PDE4D: variants seen among roughly 807,000 people sequenced by gnomAD.
The protein encoded by PDE4D is 3',5'-cyclic-AMP phosphodiesterase 4D.
A neutral mutation model predicts 87.4 loss-of-function variants in PDE4D; 24 were observed. That is an observed-to-expected ratio of 0.27 (90% CI 0.20 to 0.39). The LOEUF is 0.39. Among genes scored for constraint, PDE4D ranks in the 10% least tolerant of loss-of-function variants. PDE4D has a pLI of 1.00. For synonymous variants in PDE4D, 384 were observed against 383.2 expected, an observed-to-expected ratio of 1.00 and a Z score of -0.02; for missense variants, 714 against 1,041.0, an observed-to-expected ratio of 0.69 and a Z score of 4.32.
intron 1 of PDE4D, among the ~76,000 whole-genome samples, chr5:59,308,032 T>C (rs1427603431): frequency 5.3e-5 from 8 of 152,090 alleles, no homozygotes; most frequent in Non-Finnish European, 8.8e-5. Context: ...TATGCAGCCA[T>C]AAAAAATGAT....
At chr5:59,602,656 T>G in intron 1 of PDE4D, among the ~76,000 whole-genome samples, 1 of 151,932 alleles carries the variant, frequency 6.6e-6, no homozygotes, top group East Asian at 1.9e-4. Flanking sequence ...AAAATTCCAA[T>G]ACCATTCTTC....
At chr5:59,930,054 C>T (rs1444527223) in intron 3 of PDE4D, among the ~76,000 whole-genome samples, 1 of 148,044 alleles carries the variant, frequency 6.8e-6, no homozygotes, top group Non-Finnish European at 1.5e-5. Flanking sequence ...CCCAGCTACT[C>T]GGGAGGCTGA....
At chr5:60,120,280 G>A (rs1778559713) in intron 2 of PDE4D, among the ~76,000 whole-genome samples, 1 of 150,090 alleles carries the variant, frequency 6.7e-6, no homozygotes, top group Admixed American at 6.6e-5. Flanking sequence ...GCACTAACAG[G>A]AGAGGTAGTG....
intron 1 of PDE4D, among the ~76,000 whole-genome samples, chr5:59,824,986 A>G (rs1009056270): frequency 1.5e-4 from 23 of 152,112 alleles, no homozygotes; most frequent in African/African-American, 4.1e-4. Flanking sequence ...CCACTCTTGG[A>G]TTGGTAATAG....
chr5:59,923,189 T>C (rs1754860142), intron 3 of PDE4D, among the ~76,000 whole-genome samples: 1 of 152,110 alleles, frequency 6.6e-6, no homozygotes, highest in African/African-American at 2.4e-5. Context: ...GTCAGTCACG[T>C]AAAATAGAAC....
chr5:59,202,033 A>ATTTTT (rs10641798), intron 2 of PDE4D, among the ~76,000 whole-genome samples: 1,169 of 95,262 alleles, frequency 0.012, 141 homozygotes, highest in Middle Eastern at 0.03. Flanking sequence ...TGTTTTGATC[A>ATTTTT]TTTTTTTTTT....
At chr5:59,349,745 T>C (rs1271090605) in intron 1 of PDE4D, among the ~76,000 whole-genome samples, 1 of 152,098 alleles carries the variant, frequency 6.6e-6, no homozygotes, top group Non-Finnish European at 1.5e-5. Context: ...GTGTCTTTTC[T>C]TCTTTTGTCA....
chr5:59,791,734 C>T (rs1452699790), intron 1 of PDE4D, among the ~76,000 whole-genome samples: 1 of 152,120 alleles, frequency 6.6e-6, no homozygotes, highest in African/African-American at 2.4e-5. Flanking sequence ...TCTAAAGTTA[C>T]AGGTCTAGGA....
At chr5:59,210,080 C>A (rs1749748296) in intron 2 of PDE4D, among the ~76,000 whole-genome samples, 1 of 152,164 alleles carries the variant, frequency 6.6e-6, no homozygotes, top group Non-Finnish European at 1.5e-5. Flanking sequence ...ATGATTTGGC[C>A]ATGGTAGCTT....
chr5:60,443,908 T>C (rs1745434632), intron 1 of PDE4D, among the ~76,000 whole-genome samples: 1 of 152,092 alleles, frequency 6.6e-6, no homozygotes, highest in African/African-American at 2.4e-5. Context: ...CACATCAATG[T>C]GGACAGCTTT....
intron 2 of PDE4D, among the ~76,000 whole-genome samples, chr5:59,207,302 G>A (rs953557105): frequency 2.6e-5 from 4 of 152,196 alleles, no homozygotes; most frequent in African/African-American, 9.6e-5. Flanking sequence ...GAGATAAAGT[G>A]AGAGTACACT....
At chr5:59,728,456 C>G (rs900688080) in intron 1 of PDE4D, among the ~76,000 whole-genome samples, 1 of 152,010 alleles carries the variant, frequency 6.6e-6, no homozygotes, top group Non-Finnish European at 1.5e-5. Context: ...TTCCTTTTCT[C>G]TCCTTTCAAG....
intron 5 of PDE4D, among the ~76,000 whole-genome samples, chr5:59,059,641 T>A (rs939276085): frequency 2.0e-5 from 3 of 152,186 alleles, no homozygotes; most frequent in African/African-American, 7.2e-5. Context: ...GCTGGAAATC[T>A]CTTGCTATAT....
intron 1 of PDE4D, among the ~76,000 whole-genome samples, chr5:59,880,314 T>C (rs1749254447): frequency 6.6e-6 from 1 of 152,122 alleles, no homozygotes; most frequent in Non-Finnish European, 1.5e-5. Context: ...TTTGGTCTGT[T>C]GTCCAGGCTG....
intron 1 of PDE4D, among the ~76,000 whole-genome samples, chr5:59,440,929 T>C (rs1426780771): frequency 6.6e-6 from 1 of 152,212 alleles, no homozygotes; most frequent in Non-Finnish European, 1.5e-5. Context: ...GGTATGCTTA[T>C]CTTTGAGCAG....
At chr5:59,430,540 G>A (rs1202736503) in intron 1 of PDE4D, 3 of 664,994 alleles carry the variant, frequency 4.5e-6, no homozygotes, top group Non-Finnish European at 6.4e-6. Context: ...GTTGCCCGGT[G>A]CTTCTTTGCT....
At chr5:60,428,002 A>G (rs1387571138) in intron 1 of PDE4D, among the ~76,000 whole-genome samples, 1 of 152,182 alleles carries the variant, frequency 6.6e-6, no homozygotes, top group African/African-American at 2.4e-5. Context: ...CTTGAGCCCC[A>G]GAGTTTGAGG....
At chr5:59,172,146 A>C (rs1309754278) in intron 5 of PDE4D, among the ~76,000 whole-genome samples, 1 of 97,390 alleles carries the variant, frequency 1.0e-5, no homozygotes. Context: ...TAAATATATA[A>C]TATTATATAT....
chr5:60,049,548 T>A lies in PDE4D; in HGVS notation c.43-60831A>T, dbSNP rs1769811864. On this transcript the variant is annotated intron_variant, in intron 2 of 16. Coordinates refer to the PDE4D transcript ENST00000502484. The stretch of plus-strand genomic sequence containing the variant: ...GTGATGTACAGATGGGTTTTTGGTG[T>A]GGATGTCCTTTCTGTTTGTTAGTTT... 2.6e-5 allele frequency among the ~76,000 whole-genome samples: 4 copies of A among 152,322 alleles called. No individual in the cohort carries two copies. In the South Asian group the frequency reaches 8.3e-4, roughly 32 times the overall value.
Sources: allele counts gnomAD v4.1 joint callset (sites outside exome capture counted in the v4.1 genomes callset), GRCh38; gene constraint gnomAD v4.1.1; transcripts MANE v1.5; gene names NCBI Gene and HGNC (gene_info 2026-07-23, HGNC 2026-07-21).